IQSEC1: variants seen among roughly 807,000 people sequenced by gnomAD.
The protein encoded by IQSEC1 is IQ motif and Sec7 domain ArfGEF 1.
In IQSEC1, 31 loss-of-function variants were observed where a neutral mutation model predicts 91.0. The ratio of observed to expected loss-of-function variants is 0.34; its 90% CI spans 0.26 to 0.46. The LOEUF is 0.46. Ranked by LOEUF, IQSEC1 falls within the 20% of genes least tolerant of loss-of-function variation. The probability of loss-of-function intolerance (pLI) is 1.00; values close to 1 mark genes in which losing one functional copy is unlikely to be tolerated. For missense variants in IQSEC1, 1,388 were observed against 1,575.6 expected (o/e 0.88, Z 2.02); for synonymous variants, 699 against 662.6 (o/e 1.05, Z -0.84).
intron 1 of IQSEC1, among the ~76,000 whole-genome samples, chr3:13,169,685 G>C (rs772741914): frequency 4.3e-4 from 65 of 152,226 alleles, no homozygotes; most frequent in African/African-American, 1.5e-3. Context: ...TTGGAGCAAA[G>C]GTGACTCTTG....
chr3:13,119,359 A>T (rs1335909871), intron 2 of IQSEC1, among the ~76,000 whole-genome samples: 4 of 152,218 alleles, frequency 2.6e-5, no homozygotes, highest in Non-Finnish European at 5.9e-5. Flanking sequence ...TCTGCCAACA[A>T]CAATTTAAAA....
At chr3:13,263,390 C>T (rs974860748) in intron 1 of IQSEC1, among the ~76,000 whole-genome samples, 1 of 131,406 alleles carries the variant, frequency 7.6e-6, no homozygotes. Flanking sequence ...ACACAACCCT[C>T]CTTTGGGGGG....
chr3:13,022,487 G>C, intron 1 of IQSEC1: 1 of 998,664 alleles, frequency 1.0e-6, no homozygotes, highest in Non-Finnish European at 1.2e-6. Context: ...AGGGCGGGAT[G>C]GGTGAGGGGC....
chr3:13,146,232 C>A (rs1706894408), intron 2 of IQSEC1, among the ~76,000 whole-genome samples: 1 of 151,992 alleles, frequency 6.6e-6, no homozygotes, highest in Non-Finnish European at 1.5e-5. Context: ...AGTAATCTTC[C>A]CACCTTGGCC....
At position 12,919,762 on chromosome 3, in the gene IQSEC1, G is replaced by A. The variant is rs544225853; in HGVS notation, c.2020+668C>T. On this transcript the variant is annotated intron_variant, in intron 6 of 13. Coordinates refer to ENST00000613206, the MANE Select transcript of IQSEC1 (RefSeq NM_001134382.3). The stretch of plus-strand genomic sequence containing the variant: ...ATGCGGTGCCTTCCTCCTTCCTTCC[G>A]GGGACCCTGGGGCACACAGGGGACA... Among the ~76,000 whole-genome samples the A allele has an allele frequency of 3.9e-5, 6 of 152,322 alleles. No homozygotes were observed. The East Asian group carries it at 1.2e-3, about 29-fold the overall frequency.
chr3:13,119,883 G>A (rs1401612157), intron 2 of IQSEC1, among the ~76,000 whole-genome samples: 1 of 152,176 alleles, frequency 6.6e-6, no homozygotes, highest in Non-Finnish European at 1.5e-5. Flanking sequence ...CCCTCTCGGT[G>A]AGAATGGAAG....
At chr3:12,969,655 A>G (rs1212818982) in intron 1 of IQSEC1, among the ~76,000 whole-genome samples, 2 of 152,226 alleles carry the variant, frequency 1.3e-5, no homozygotes, top group African/African-American at 4.8e-5. Context: ...CCCCCAGCCC[A>G]GCTGCTGGAG....
chr3:13,213,523 A>T (rs900067431), intron 1 of IQSEC1, among the ~76,000 whole-genome samples: 5 of 152,154 alleles, frequency 3.3e-5, no homozygotes, highest in Non-Finnish European at 7.3e-5. Flanking sequence ...TCTGTGAATT[A>T]TGGAATCAGC....
chr3:12,918,835 A>G (rs942253936), intron 6 of IQSEC1, among the ~76,000 whole-genome samples: 6 of 152,186 alleles, frequency 3.9e-5, no homozygotes, highest in Non-Finnish European at 8.8e-5. Flanking sequence ...AAATAAATAA[A>G]TAAATGTAAA....
At chr3:13,272,592 A>T (rs1351843632) in intron 1 of IQSEC1, among the ~76,000 whole-genome samples, 1 of 152,136 alleles carries the variant, frequency 6.6e-6, no homozygotes, top group Non-Finnish European at 1.5e-5. Context: ...GTCAAAGGGG[A>T]TGGTCAGAGT....
At chr3:13,129,614 C>A (rs918163778) in intron 2 of IQSEC1, among the ~76,000 whole-genome samples, 4 of 148,728 alleles carry the variant, frequency 2.7e-5, no homozygotes, top group African/African-American at 9.9e-5. Flanking sequence ...GCATTTAGTG[C>A]TCTGTTTTCT....
intron 1 of IQSEC1, among the ~76,000 whole-genome samples, chr3:13,278,254 C>G (rs866145236): frequency 5.3e-5 from 8 of 152,256 alleles, no homozygotes; most frequent in East Asian, 1.9e-4. Context: ...GGCTTCCCCC[C>G]CCCACCCCCA....
chr3:13,203,164 T>TACACACACACACACACAC (rs10533324), intron 1 of IQSEC1, among the ~76,000 whole-genome samples: 1 of 148,120 alleles, frequency 6.8e-6, no homozygotes. Flanking sequence ...TTACCACTAC[T>TACACACACACACACACAC]ACACACACAC....
intron 12 of IQSEC1, among the ~76,000 whole-genome samples, chr3:12,903,483 G>C (rs1694606421): frequency 6.6e-6 from 1 of 152,216 alleles, no homozygotes; most frequent in African/African-American, 2.4e-5. Flanking sequence ...TCCTCTGCTT[G>C]GTACCACCCC....
intron 2 of IQSEC1, among the ~76,000 whole-genome samples, chr3:13,145,082 AG>A (rs1706866287): frequency 6.6e-6 from 1 of 152,186 alleles, no homozygotes; most frequent in African/African-American, 2.4e-5. Context: ...CCACCTGTGA[AG>A]GGTGGGGGGG....
rs1054065504 is a variant in IQSEC1 at position 12,899,038 on chromosome 3, G to A, written c.*1945C>T. 3.2e-5 allele frequency: 9 copies of A among 278,598 alleles called. No individual in the cohort carries two copies. The highest frequency in any genetic ancestry group is 6.2e-5 in the Non-Finnish European group (9 of 144,016). The allele number at this position is 278,598 out of a possible 1,614,324, so 17.3% of individuals were successfully genotyped here. A position where few individuals can be genotyped will look rare whatever the true frequency, so the allele number is the denominator to read the frequency against. On this transcript the variant is annotated 3_prime_UTR_variant, in exon 14 of 14. Transcript: ENST00000613206. ...CGCCAATGGGAGGACACAGGTGGGC[G>A]GGTTAAAGTCACATTTTTAAAAAGG...
intron 1 of IQSEC1, among the ~76,000 whole-genome samples, chr3:13,265,661 T>G (rs1001273882): frequency 6.6e-6 from 1 of 152,078 alleles, no homozygotes; most frequent in Admixed American, 6.5e-5. Flanking sequence ...GCAGCCACTG[T>G]CCTCACAATC....
intron 1 of IQSEC1, among the ~76,000 whole-genome samples, chr3:13,010,995 C>T (rs1159671231): frequency 6.6e-6 from 1 of 152,244 alleles, no homozygotes; most frequent in Non-Finnish European, 1.5e-5. Flanking sequence ...CACACTTCCT[C>T]CACCACTCTG....
At chr3:13,271,616 C>G (rs981172224) in intron 1 of IQSEC1, among the ~76,000 whole-genome samples, 15 of 151,796 alleles carry the variant, frequency 9.9e-5, no homozygotes, top group Non-Finnish European at 1.9e-4. Context: ...GGCAACAAAG[C>G]AAGACACCAT....
Sources: gnomAD v4.1 joint callset for allele counts (sites outside exome capture counted in the v4.1 genomes callset) on GRCh38, gnomAD v4.1.1 for gene constraint, MANE v1.5 for transcripts, NCBI Gene and HGNC (gene_info 2026-07-23, HGNC 2026-07-21) for gene names.